Variants in GRIN3A observed in about 807,000 individuals in gnomAD.
The protein encoded by GRIN3A is glutamate ionotropic receptor NMDA type subunit 3A.
GRIN3A carries 47 observed loss-of-function variants against 92.4 expected under a neutral mutation model. The observed-to-expected ratio is 0.51, with a 90% CI of 0.40 to 0.65. GRIN3A has a LOEUF of 0.65. Ranked by LOEUF, GRIN3A falls within the 30% of genes least tolerant of loss-of-function variation. GRIN3A has a pLI of 0.00. For missense variants in GRIN3A, 1,324 were observed against 1,393.1 expected (o/e 0.95, Z 0.79); for synonymous variants, 527 against 540.6 (o/e 0.97, Z 0.35).
chr9:101,726,863 C>A (rs1263938906), intron 1 of GRIN3A, among the ~76,000 whole-genome samples: 1 of 151,822 alleles, frequency 6.6e-6, no homozygotes, highest in Non-Finnish European at 1.5e-5. Flanking sequence ...GAAACTGACT[C>A]AAATTTTATG....
intron 3 of GRIN3A, among the ~76,000 whole-genome samples, chr9:101,651,668 G>T (rs1441772639): frequency 6.7e-6 from 1 of 150,342 alleles, no homozygotes; most frequent in Non-Finnish European, 1.5e-5. Context: ...GTGTGTGTGT[G>T]GTCATTCTTT....
chr9:101,574,693 C>T (rs1461599674), intron 8 of GRIN3A, among the ~76,000 whole-genome samples: 1 of 152,184 alleles, frequency 6.6e-6, no homozygotes, highest in East Asian at 1.9e-4. Flanking sequence ...CTGCTTTCCT[C>T]CCCGCTTCAG....
chr9:101,661,135 A>G (rs370937685), intron 3 of GRIN3A, among the ~76,000 whole-genome samples: 74 of 151,934 alleles, frequency 4.9e-4, no homozygotes, highest in African/African-American at 1.6e-3. Context: ...TTTGTGTGGG[A>G]GTGGTACTCA....
In GRIN3A at chr9:101,712,707, G is replaced by T. The variant is rs117222348; in HGVS notation, c.699+24574C>A. Among the ~76,000 whole-genome samples the T allele has an allele frequency of 9.2e-3, 1,396 of 152,264 alleles. 14 individuals carry two copies. Among genetic ancestry groups the T allele is most frequent in the Middle Eastern group, 0.034 (10 of 294 alleles). ...AACATCTACTAATAATCAGCTTATTGCTAGAACAGAAGGATATTGCACAAA... is the reference window on the plus strand; with the variant it reads ...AACATCTACTAATAATCAGCTTATTTCTAGAACAGAAGGATATTGCACAAA... On this transcript the variant is annotated intron_variant, in intron 1 of 8. Transcript: ENST00000361820.
chr9:101,576,948 G>T (rs1827834476), intron 8 of GRIN3A, among the ~76,000 whole-genome samples: 2 of 152,030 alleles, frequency 1.3e-5, no homozygotes, highest in Non-Finnish European at 2.9e-5. Flanking sequence ...GAGGCCTCTG[G>T]GTGTACAAAA....
chr9:101,715,723 G>GTT (rs1829937311), intron 1 of GRIN3A, among the ~76,000 whole-genome samples: 3 of 152,080 alleles, frequency 2.0e-5, no homozygotes, highest in Admixed American at 6.6e-5. Context: ...GACAATTTCA[G>GTT]GAGTTCATTC....
At chr9:101,668,929 A>C (rs951466756) in intron 3 of GRIN3A, among the ~76,000 whole-genome samples, 2 of 152,166 alleles carry the variant, frequency 1.3e-5, no homozygotes, top group Admixed American at 6.6e-5. Flanking sequence ...TAAATGTTTA[A>C]TAGTAACTTA....
intron 1 of GRIN3A, among the ~76,000 whole-genome samples, chr9:101,734,720 C>T (rs1830180683): frequency 6.6e-6 from 1 of 151,736 alleles, no homozygotes; most frequent in Admixed American, 6.6e-5. Flanking sequence ...AATCAGCAGC[C>T]CAAAATAAAG....
At chr9:101,696,981 A>T (rs1434757806) in intron 1 of GRIN3A, among the ~76,000 whole-genome samples, 3 of 152,322 alleles carry the variant, frequency 2.0e-5, no homozygotes, top group Non-Finnish European at 1.5e-5. Context: ...ACTAATTGTG[A>T]TGTAATATGC....
chr9:101,661,281 C>T (rs1201652273), intron 3 of GRIN3A, among the ~76,000 whole-genome samples: 1 of 151,538 alleles, frequency 6.6e-6, no homozygotes, highest in African/African-American at 2.4e-5. Flanking sequence ...AAGTATTTTC[C>T]CATTACATAA....
rs143287346 is a variant in GRIN3A at position 101,622,057 on chromosome 9, T to C, written c.2614+1261A>G. Among the ~76,000 whole-genome samples, 686 of 152,362 alleles carry C rather than the reference T, an allele frequency of 4.5e-3. 2 individuals carry two copies. Among genetic ancestry groups the C allele is most frequent in the Admixed American group, 0.011 (164 of 15,304 alleles). ...CACTACTGCTAATTGCCTCTCTTTC[T>C]GAGTTCCATCCCTGCTTCAGGTGGG... On this transcript the variant is annotated intron_variant, in intron 5 of 8. Transcript: ENST00000361820.
intron 6 of GRIN3A, among the ~76,000 whole-genome samples, chr9:101,609,510 A>T (rs1828330880): frequency 1.3e-5 from 2 of 152,240 alleles, no homozygotes; most frequent in Admixed American, 1.3e-4. Context: ...CAAATCCAGA[A>T]ATGTATGGCT....
chr9:101,639,136 G>T (rs974268970), intron 3 of GRIN3A, among the ~76,000 whole-genome samples: 1 of 152,174 alleles, frequency 6.6e-6, no homozygotes, highest in African/African-American at 2.4e-5. Flanking sequence ...GTTGGAGTCA[G>T]TTGTTATGCA....
chr9:101,700,807 T>C (rs1429206903), intron 1 of GRIN3A, among the ~76,000 whole-genome samples: 2 of 152,162 alleles, frequency 1.3e-5, no homozygotes, highest in Non-Finnish European at 2.9e-5. Context: ...AATGGTATCC[T>C]AATGAAGTAA....
At chr9:101,667,208 A>T (rs1588274002) in intron 3 of GRIN3A, among the ~76,000 whole-genome samples, 2 of 151,920 alleles carry the variant, frequency 1.3e-5, no homozygotes, top group East Asian at 3.9e-4. Flanking sequence ...ACTTTATATT[A>T]TAAGGAGCAG....
chr9:101,618,819 C>G (rs1320928998), intron 5 of GRIN3A, among the ~76,000 whole-genome samples: 1 of 152,110 alleles, frequency 6.6e-6, no homozygotes, highest in Non-Finnish European at 1.5e-5. Flanking sequence ...GTTCATTGGT[C>G]AAAGAATTCT....
intron 5 of GRIN3A, among the ~76,000 whole-genome samples, chr9:101,621,921 G>T: frequency 6.6e-6 from 1 of 152,196 alleles, no homozygotes; most frequent in Non-Finnish European, 1.5e-5. Context: ...CAAAAAAGGA[G>T]AAATTTTTCA....
At chr9:101,635,188 G>T (rs918024867) in intron 3 of GRIN3A, among the ~76,000 whole-genome samples, 3 of 152,150 alleles carry the variant, frequency 2.0e-5, no homozygotes, top group Non-Finnish European at 2.9e-5. Flanking sequence ...TGATTTATAT[G>T]AGCCTTAGCC....
chr9:101,709,663 G>A (rs2485529), intron 1 of GRIN3A, among the ~76,000 whole-genome samples: 141,497 of 152,328 alleles, frequency 0.93, 66,012 homozygotes, highest in Middle Eastern at 0.97. Flanking sequence ...GGAGAATAAT[G>A]CCTTCCTCTC....
Sources: allele counts gnomAD v4.1 joint callset (sites outside exome capture counted in the v4.1 genomes callset), GRCh38; gene constraint gnomAD v4.1.1; transcripts MANE v1.5; gene names NCBI Gene and HGNC (gene_info 2026-07-23, HGNC 2026-07-21).